The following DLG2 variants were observed in gnomAD, a reference collection of about 807,000 sequenced individuals.
DLG2 encodes the protein discs large MAGUK scaffold protein 2.
Under a neutral mutation model 132.5 loss-of-function variants are expected in DLG2, and 45 were observed. The observed-to-expected ratio is 0.34, with a 90% confidence interval of 0.27 to 0.44. The LOEUF (loss-of-function observed/expected upper bound fraction) is 0.44, where lower values mean the gene tolerates loss of function less well. DLG2 is among the 20% of genes least tolerant of loss of function. The pLI is 1.00. For synonymous variants in DLG2, 424 were observed against 419.6 expected (o/e 1.01, Z -0.13); for missense variants, 1,045 against 1,196.9 (o/e 0.87, Z 1.87).
At chr11:83,968,225 G>C (rs1388026178) in intron 12 of DLG2, among the ~76,000 whole-genome samples, 1 of 152,040 alleles carries the variant, frequency 6.6e-6, no homozygotes, top group East Asian at 1.9e-4. Context: ...TTATTATTTT[G>C]CTCCATGTTG....
chr11:85,597,822 A>T (rs1194900480), intron 3 of DLG2, among the ~76,000 whole-genome samples: 2 of 151,744 alleles, frequency 1.3e-5, no homozygotes, highest in East Asian at 3.9e-4. Flanking sequence ...AAAATTATTT[A>T]AAATCAGTTA....
At chr11:84,534,190 T>C (rs1321746345) in intron 7 of DLG2, among the ~76,000 whole-genome samples, 1 of 152,226 alleles carries the variant, frequency 6.6e-6, no homozygotes, top group East Asian at 1.9e-4. Flanking sequence ...AATCATTAGA[T>C]GTGATCATGT....
chr11:84,230,679 A>G (rs2097079719), intron 8 of DLG2, among the ~76,000 whole-genome samples: 1 of 152,168 alleles, frequency 6.6e-6, no homozygotes, highest in Admixed American at 6.5e-5. Context: ...ATGAATAAGG[A>G]AAGAGCTCAT....
At chr11:84,417,159 G>T (rs1391278730) in intron 7 of DLG2, among the ~76,000 whole-genome samples, 1 of 152,192 alleles carries the variant, frequency 6.6e-6, no homozygotes, top group Non-Finnish European at 1.5e-5. Flanking sequence ...ATGGATGGAT[G>T]GAGATATGCT....
chr11:84,814,065 G>A (rs1312828740), intron 6 of DLG2, among the ~76,000 whole-genome samples: 1 of 152,092 alleles, frequency 6.6e-6, no homozygotes, highest in Non-Finnish European at 1.5e-5. Context: ...TTATGAAAAA[G>A]TAACCTCTTA....
At chr11:84,950,091 C>T (rs771339609) in intron 6 of DLG2, among the ~76,000 whole-genome samples, 12 of 152,204 alleles carry the variant, frequency 7.9e-5, no homozygotes, top group Non-Finnish European at 1.5e-4. Context: ...ACAACAAATA[C>T]GTCCAACTAA....
intron 18 of DLG2, among the ~76,000 whole-genome samples, chr11:83,739,209 C>A (rs543761598): frequency 2.6e-4 from 39 of 152,184 alleles, no homozygotes; most frequent in Non-Finnish European, 4.1e-4. Context: ...ATCACAGAAT[C>A]TTTACAGTAT....
intron 6 of DLG2, among the ~76,000 whole-genome samples, chr11:85,064,907 T>C (rs1260593865): frequency 1.3e-5 from 2 of 151,562 alleles, no homozygotes; most frequent in African/African-American, 4.8e-5. Flanking sequence ...TCTCTCTCTT[T>C]CTCTCCTTCC....
chr11:85,616,311 G>GA (rs1044054737), intron 2 of DLG2, among the ~76,000 whole-genome samples: 1 of 152,014 alleles, frequency 6.6e-6, no homozygotes, highest in Non-Finnish European at 1.5e-5. Flanking sequence ...TAGTAAGGGG[G>GA]AAAAAAGCAT....
chr11:83,818,230 T>C (rs892934263), intron 17 of DLG2, among the ~76,000 whole-genome samples: 2 of 152,184 alleles, frequency 1.3e-5, no homozygotes, highest in Non-Finnish European at 2.9e-5. Flanking sequence ...TGGTGTCTTG[T>C]TGGTCTGGGC....
chr11:83,685,019 G>A (rs2079490171), intron 18 of DLG2, among the ~76,000 whole-genome samples: 2 of 152,088 alleles, frequency 1.3e-5, no homozygotes, highest in African/African-American at 2.4e-5. Flanking sequence ...GATGGTGCTA[G>A]TATTTATTGA....
At chr11:85,071,453 T>C (rs993370859) in intron 6 of DLG2, among the ~76,000 whole-genome samples, 6 of 151,876 alleles carry the variant, frequency 4.0e-5, no homozygotes, top group African/African-American at 1.4e-4. Flanking sequence ...AACTACTTTA[T>C]AGATAATAAC....
Position 84,718,631 on chromosome 11 carries a change from T to G in DLG2, c.358-183900A>C, listed in dbSNP as rs559842194. ...TCCCTTGACAAATAATTCACCTTTG[T>G]TAAATATCATTTAGCACCGCTAAGT... On this transcript the variant is annotated intron_variant, in intron 6 of 27. Coordinates refer to ENST00000376104, the MANE Select transcript of DLG2 (RefSeq NM_001142699.3). Among the ~76,000 whole-genome samples the G allele has an allele frequency of 8.5e-5, 13 of 152,328 alleles. No homozygotes were observed. The South Asian group carries it at 1.7e-3, about 19-fold the overall frequency.
At chr11:83,793,541 C>T (rs1158679640) in intron 17 of DLG2, among the ~76,000 whole-genome samples, 1 of 152,070 alleles carries the variant, frequency 6.6e-6, no homozygotes, top group East Asian at 1.9e-4. Flanking sequence ...TCTAGTCATC[C>T]TCTGAATTTT....
At chr11:84,673,865 T>TA (rs2099708627) in intron 6 of DLG2, among the ~76,000 whole-genome samples, 1 of 152,118 alleles carries the variant, frequency 6.6e-6, no homozygotes, top group African/African-American at 2.4e-5. Flanking sequence ...ACCTGCAACT[T>TA]ACAACAACTC....
At chr11:84,452,253 C>G (rs529354803) in intron 7 of DLG2, among the ~76,000 whole-genome samples, 1 of 151,666 alleles carries the variant, frequency 6.6e-6, no homozygotes, top group East Asian at 1.9e-4. Flanking sequence ...ATGGCTAAAA[C>G]AGAATGAGGA....
chr11:84,462,689 T>G (rs2099083631), intron 7 of DLG2, among the ~76,000 whole-genome samples: 2 of 151,088 alleles, frequency 1.3e-5, no homozygotes, highest in Non-Finnish European at 3.0e-5. Flanking sequence ...ACTCTCTCTG[T>G]TTTTTAATGG....
At chr11:84,947,072 C>G (rs532091137) in intron 6 of DLG2, among the ~76,000 whole-genome samples, 2 of 152,294 alleles carry the variant, frequency 1.3e-5, no homozygotes, top group African/African-American at 2.4e-5. Context: ...ATGTGCCATG[C>G]GGCCAGTCGC....
chr11:84,296,752 T>TGAGA (rs945581662), intron 7 of DLG2, among the ~76,000 whole-genome samples: 1 of 151,202 alleles, frequency 6.6e-6, no homozygotes, highest in African/African-American at 2.4e-5. Flanking sequence ...TATTTCAACT[T>TGAGA]GAGAGAGAGA....
Sources: allele counts gnomAD v4.1 joint callset (sites outside exome capture counted in the v4.1 genomes callset), GRCh38; gene constraint gnomAD v4.1.1; transcripts MANE v1.5; gene names NCBI Gene and HGNC (gene_info 2026-07-23, HGNC 2026-07-21).